The following PKP2 variants were observed in gnomAD, a reference collection of about 807,000 sequenced individuals.
PKP2 encodes plakophilin 2.
PKP2 carries 73 observed loss-of-function variants against 83.4 expected under a neutral mutation model. The observed-to-expected ratio is 0.88, with a 90% confidence interval of 0.72 to 1.06. The LOEUF is 1.06. Ranked by LOEUF, PKP2 falls within the 50% of genes least tolerant of loss-of-function variation. The probability of loss-of-function intolerance (pLI) is 0.00; values close to 1 mark genes in which losing one functional copy is unlikely to be tolerated. For missense variants in PKP2, 966 were observed against 1,065.4 expected (o/e 0.91, Z 1.30); for synonymous variants, 409 against 430.4 (o/e 0.95, Z 0.62).
intron 9 of PKP2, among the ~76,000 whole-genome samples, chr12:32,814,377 C>T (rs1213384427): frequency 1.3e-5 from 2 of 152,116 alleles, no homozygotes; most frequent in Non-Finnish European, 2.9e-5. Context: ...CACTCACTTC[C>T]ATGGTCACAC....
intron 4 of PKP2, among the ~76,000 whole-genome samples, chr12:32,851,323 G>T (rs1425244711): frequency 1.3e-5 from 2 of 151,938 alleles, no homozygotes; most frequent in Non-Finnish European, 2.9e-5. Flanking sequence ...AGTAAGGAGA[G>T]TTTTTTTTAT....
intron 6 of PKP2, among the ~76,000 whole-genome samples, chr12:32,826,350 T>A (rs1263979891): frequency 1.4e-5 from 2 of 147,574 alleles, no homozygotes; most frequent in Non-Finnish European, 1.5e-5. Context: ...GAGAGGAAGA[T>A]GCACAATATT....
chr12:32,823,791 C>G (rs1467173976), intron 7 of PKP2, among the ~76,000 whole-genome samples: 2 of 151,874 alleles, frequency 1.3e-5, no homozygotes. Flanking sequence ...TTAGTAGAGA[C>G]GGGGTTTCAC....
intron 4 of PKP2, among the ~76,000 whole-genome samples, chr12:32,866,649 G>A (rs991550309): frequency 3.3e-5 from 5 of 151,194 alleles, no homozygotes; most frequent in African/African-American, 1.2e-4. Flanking sequence ...AAACTTACAG[G>A]CTAACATTAA....
intron 8 of PKP2, among the ~76,000 whole-genome samples, chr12:32,822,157 C>T (rs1956385879): frequency 6.6e-6 from 1 of 152,150 alleles, no homozygotes; most frequent in Non-Finnish European, 1.5e-5. Flanking sequence ...TATTTCCTAA[C>T]CTATAAGGCA....
intron 1 of PKP2, among the ~76,000 whole-genome samples, chr12:32,888,123 A>G (rs1049056406): frequency 3.0e-4 from 45 of 152,280 alleles, no homozygotes; most frequent in Non-Finnish European, 1.6e-4. Context: ...CAGAGGTTGC[A>G]GTGAGCCAAG....
chr12:32,848,039 A>G (rs1453023500), intron 5 of PKP2, among the ~76,000 whole-genome samples: 1 of 152,236 alleles, frequency 6.6e-6, no homozygotes, highest in Non-Finnish European at 1.5e-5. Flanking sequence ...AATGAATGGA[A>G]TCACTTTTAA....
intron 9 of PKP2, among the ~76,000 whole-genome samples, chr12:32,811,939 T>A (rs917159723): frequency 2.0e-5 from 3 of 152,122 alleles, no homozygotes; most frequent in African/African-American, 7.2e-5. Context: ...CCAAACACAG[T>A]TGAGTCATGC....
rs892666132 is a variant in PKP2 at position 32,868,993 on chromosome 12, G to A, written c.1104C>T (p.Ser368=). Residue 368 remains serine (S), a synonymous_variant, in exon 4 of 13, where the codon TCC becomes TCT. Coordinates refer to ENST00000340811, the MANE Select transcript of PKP2 (RefSeq NM_001005242.3). The part of the protein sequence containing the change: ...SMLEADHMLP[S]RISAAATFIQ... ...TGAAAGTAGCTGCAGCAGAAATCCT[G>A]GATGGCAGCATGTGGTCTGCCTCGA... is the stretch of plus-strand genomic sequence containing the variant. 1.9e-6 allele frequency: 3 copies of A among 1,613,748 alleles called. No individual in the cohort carries two copies. Among genetic ancestry groups the A allele is most frequent in the Non-Finnish European group, 2.5e-6 (3 of 1,179,882 alleles).
Position 32,896,681 on chromosome 12 carries a change from C to G in PKP2, c.51G>C (p.Leu17=), listed in dbSNP as rs1251253044. ...CCAGTTGTCCCAGGATCTGCTGGCCCAGGACGGTCCGGATGTAGCCGTACT... is the reference window on the plus strand; with the variant it reads ...CCAGTTGTCCCAGGATCTGCTGGCCGAGGACGGTCCGGATGTAGCCGTACT... ...PAEYGYIRTV[L]GQQILGQLDS... Residue 17 remains leucine, a synonymous_variant, in exon 1 of 13, where the codon CTG becomes CTC. Coordinates refer to ENST00000340811, the MANE Select transcript of PKP2 (RefSeq NM_001005242.3). The G allele has an allele frequency of 6.5e-7, 1 of 1,544,614 alleles. No homozygotes were observed. Among genetic ancestry groups the G allele is most frequent in the Non-Finnish European group, 8.7e-7 (1 of 1,153,970 alleles).
chr12:32,856,076 T>A (rs980451919), intron 4 of PKP2, among the ~76,000 whole-genome samples: 2 of 152,278 alleles, frequency 1.3e-5, no homozygotes, highest in East Asian at 3.9e-4. Flanking sequence ...AGATTATGGG[T>A]GCATTTCCTT....
chr12:32,877,711 GA>G, intron 3 of PKP2, 134 bp downstream of exon 3: 2 of 758,682 alleles, frequency 2.6e-6, no homozygotes, highest in Admixed American at 4.0e-5. Context: ...GCAGCTGCCT[GA>G]AAAGTCATTA....
chr12:32,888,694 T>C (rs1957052364), intron 1 of PKP2, among the ~76,000 whole-genome samples: 1 of 152,078 alleles, frequency 6.6e-6, no homozygotes, highest in African/African-American at 2.4e-5. Context: ...GGTTTCTCCA[T>C]GTTGATCAGG....
At chr12:32,840,150 T>C (rs916739067) in intron 6 of PKP2, among the ~76,000 whole-genome samples, 1 of 152,172 alleles carries the variant, frequency 6.6e-6, no homozygotes, top group Non-Finnish European at 1.5e-5. Flanking sequence ...AGGTCTGGGG[T>C]GGGACCTGAG....
At chr12:32,856,433 G>C (rs1156861458) in intron 4 of PKP2, among the ~76,000 whole-genome samples, 2 of 152,022 alleles carry the variant, frequency 1.3e-5, no homozygotes, top group Non-Finnish European at 2.9e-5. Flanking sequence ...GAAAGATGTG[G>C]GTAGATTCCA....
rs1956121527 is a variant in PKP2 at position 32,796,211 on chromosome 12, C to T, written c.2255G>A (p.Cys752Tyr). The T allele has an allele frequency of 6.2e-7, 1 of 1,613,378 alleles. No homozygotes were observed. Among genetic ancestry groups the T allele is most frequent in the South Asian group, 1.1e-5 (1 of 91,068 alleles). Residue 752 changes from cysteine (C) to tyrosine (Y), a missense_variant, in exon 11 of 13, where the codon TGT becomes TAT. By Grantham distance (194) the Cys-to-Tyr change is radical (BLOSUM62 -2). Transcript: ENST00000340811. ...TTGGATTATGTTGTTCAATGTGTAA[C>T]AGGCAGAGGCTGTAGTTTCAATGAG... is the stretch of plus-strand genomic sequence containing the variant. ...DLLIETTASA[C>Y]YTLNNIIQNS... is the part of the protein sequence containing the mutation.
intron 4 of PKP2, among the ~76,000 whole-genome samples, chr12:32,857,521 T>C (rs193109130): frequency 6.6e-6 from 1 of 152,232 alleles, no homozygotes; most frequent in Non-Finnish European, 1.5e-5. Context: ...CTGCTACTGG[T>C]TTTAAAAGTA....
intron 1 of PKP2, among the ~76,000 whole-genome samples, chr12:32,883,509 G>T (rs1371847735): frequency 1.3e-5 from 2 of 152,174 alleles, no homozygotes; most frequent in Non-Finnish European, 2.9e-5. Flanking sequence ...AAATAACTCA[G>T]CCATGTCCTT....
chr12:32,821,269 T>A, intron 9 of PKP2, 87 bp downstream of exon 9: 1 of 1,199,526 alleles, frequency 8.3e-7, no homozygotes, highest in South Asian at 1.2e-5. Context: ...CTTTTTCTCT[T>A]CCCTCACTGT....
Sources: gnomAD v4.1 joint callset for allele counts (sites outside exome capture counted in the v4.1 genomes callset) on GRCh38, gnomAD v4.1.1 for gene constraint, MANE v1.5 for transcripts, NCBI Gene and HGNC (gene_info 2026-07-23, HGNC 2026-07-21) for gene names.